The following F13B variants were observed in gnomAD, a reference collection of about 807,000 sequenced individuals.
F13B encodes TGase.
F13B carries 58 observed loss-of-function variants against 79.8 expected under a neutral mutation model. The ratio of observed to expected loss-of-function variants is 0.73; its 90% confidence interval spans 0.59 to 0.90. F13B has a LOEUF of 0.90. Ranked by LOEUF, F13B falls within the 40% of genes least tolerant of loss-of-function variation. The pLI is 0.00. For missense variants in F13B, 773 were observed against 777.0 expected (o/e 0.99, Z 0.06); for synonymous variants, 283 against 260.3 (o/e 1.09, Z -0.84).
Position 197,062,494 on chromosome 1 carries a change from C to T in F13B, c.265+363G>A, listed in dbSNP as rs545261512. ...ATAAAGCATTAGAGTAGCAATCTTG[C>T]CCTTCCAGAGGCCAGAGTTTCAAGC... is the stretch of plus-strand genomic sequence containing the variant. On this transcript the variant is annotated intron_variant, in intron 2 of 11. Transcript: ENST00000367412. Among the ~76,000 whole-genome samples the T allele has an allele frequency of 4.8e-4, 73 of 152,170 alleles. 1 individual carries two copies. In the South Asian group the frequency reaches 0.013, roughly 28 times the overall value.
At chr1:197,062,820 G>C in intron 2 of F13B, 37 bp downstream of exon 2, 1 of 1,597,704 alleles carries the variant, frequency 6.3e-7, no homozygotes, top group Non-Finnish European at 8.6e-7. Flanking sequence ...ATTTCTTTGA[G>C]TATTGAAACA....
rs1413191594 is a variant in F13B at position 197,050,703 on chromosome 1, A to C, written c.1732T>G (p.Cys578Gly). Residue 578 changes from cysteine (C) to glycine (G), a missense_variant, in exon 10 of 12, where the codon TGT (cysteine) becomes GGT (glycine). Physicochemically the swap from Cys to Gly is radical, Grantham distance 159 (BLOSUM62 -3). Coordinates refer to ENST00000367412, the MANE Select transcript of F13B (RefSeq NM_001994.3). ...LDGMWTTPPL[C>G]LEPCTLSFTE... ...CATATTTAGTAGTACATACCTAAAC[A>C]CAATGGTGGTGTAGTCCACATTCCA... 1 of 1,613,008 alleles carries C rather than the reference A, an allele frequency of 6.2e-7. No individual in the cohort carries two copies. Among genetic ancestry groups the C allele is most frequent in the Non-Finnish European group, 8.5e-7 (1 of 1,179,360 alleles).
intron 8 of F13B, 69 bp from the exon 9 acceptor site, chr1:197,052,903 C>T (rs1311782473): frequency 7.9e-7 from 1 of 1,261,002 alleles, no homozygotes; most frequent in Non-Finnish European, 1.1e-6. Flanking sequence ...TTTTTTAAAA[C>T]AAAAATTATG....
At chr1:197,061,694 A>G in intron 3 of F13B, 90 bp downstream of exon 3, 1 of 1,058,346 alleles carries the variant, frequency 9.4e-7, no homozygotes, top group Non-Finnish European at 1.4e-6. Flanking sequence ...AATAAATTCT[A>G]TTAAATAATA....
At chr1:197,066,358 T>A (rs546262552) in intron 1 of F13B, among the ~76,000 whole-genome samples, 7 of 152,216 alleles carry the variant, frequency 4.6e-5, no homozygotes, top group Non-Finnish European at 8.8e-5. Context: ...TCCTTCTTTG[T>A]ATGTTCACTC....
chr1:197,063,910 T>C (rs1022777296), intron 1 of F13B, among the ~76,000 whole-genome samples: 32 of 152,192 alleles, frequency 2.1e-4, no homozygotes, highest in African/African-American at 7.7e-4. Context: ...AGTTCAGGAA[T>C]AGGTAAAGTT....
At chr1:197,048,181 G>C (rs943735252) in intron 10 of F13B, among the ~76,000 whole-genome samples, 13 of 151,498 alleles carry the variant, frequency 8.6e-5, no homozygotes, top group African/African-American at 2.2e-4. Flanking sequence ...TATATGGAGA[G>C]AGAGAGAGAA....
rs762950628 is a variant in F13B, at chr1:197,067,140, A to C, written c.64+20T>G. 1.8e-5 allele frequency: 26 copies of C among 1,417,852 alleles called. No homozygotes were observed. The East Asian group carries it at 5.7e-4, about 31-fold the overall frequency. 87.8% of individuals were successfully genotyped at this position (1,417,852 alleles called of 1,614,324 possible). ...ATTTGTATGTTTTAGAGAATAAAGAATATTAAGAATTAATTTTACCTTCTG... is the reference window on the plus strand; with the variant it reads ...ATTTGTATGTTTTAGAGAATAAAGACTATTAAGAATTAATTTTACCTTCTG... On this transcript the variant is annotated intron_variant, in intron 1 of 11. Transcript: ENST00000367412.
rs546499327 is a variant in F13B at position 197,066,151 on chromosome 1, A to G, written c.64+1009T>C. On this transcript the variant is annotated intron_variant, in intron 1 of 11. Transcript: ENST00000367412. ...AAATAAAATCAAAAGAAATTCATGC[A>G]AAAATCATCCTATTATAGAATTAAA... 7.2e-4 allele frequency among the ~76,000 whole-genome samples: 109 copies of G among 152,288 alleles called. 1 individual carries two copies. The highest frequency in any genetic ancestry group is 3.4e-3 in the Middle Eastern group (1 of 294).
At chr1:197,043,389 T>A (rs371935170) in intron 10 of F13B, among the ~76,000 whole-genome samples, 2 of 152,178 alleles carry the variant, frequency 1.3e-5, no homozygotes, top group African/African-American at 4.8e-5. Flanking sequence ...GCTGACATCA[T>A]CCAAACATCC....
At chr1:197,049,507 C>G (rs1655362997) in intron 10 of F13B, among the ~76,000 whole-genome samples, 1 of 151,998 alleles carries the variant, frequency 6.6e-6, no homozygotes, top group Non-Finnish European at 1.5e-5. Context: ...CATCAAGAAA[C>G]CACTCCCTAC....
chr1:197,061,071 T>C lies in F13B; in HGVS notation c.456A>G (p.Thr152=), dbSNP rs5997. ...SQPTCRKEHE[T]CLAPELYNGN... is the part of the protein sequence containing the mutation. ...CATTATATAATTCAGGAGCCAAACA[T>C]GTTTCTAAAATTATAAAAATTATTT... The change falls in exon 4 of 12, where the codon ACA becomes ACG. Residue 152 remains threonine (T), a synonymous_variant. Coordinates refer to ENST00000367412, the MANE Select transcript of F13B (RefSeq NM_001994.3). 1,287,496 of 1,456,352 alleles carry C rather than the reference T, an allele frequency of 0.88. 577,146 individuals are homozygous for C. The highest frequency in any genetic ancestry group is 1 in the East Asian group (42,766 of 42,780). 90.2% of individuals were successfully genotyped at this position (1,456,352 alleles called of 1,614,324 possible).
chr1:197,052,906 A>C, intron 8 of F13B, 72 bp from the exon 9 acceptor site: 1 of 1,192,942 alleles, frequency 8.4e-7, no homozygotes, highest in Admixed American at 1.9e-5. Flanking sequence ...TTTAAAACAA[A>C]AATTATGACA....
rs1341680878 is a variant in F13B, at chr1:197,057,281, C to T, written c.985+5G>A. ...TTAGCAAAGCTTCTTCAAGGTGTTA[C>T]TAACCAATGCATTTTGGAGGTTCTG... On this transcript the variant is annotated splice_donor_5th_base_variant and intron_variant, in intron 6 of 11. Coordinates refer to ENST00000367412, the MANE Select transcript of F13B (RefSeq NM_001994.3). 1 of 1,613,950 alleles carries T rather than the reference C, an allele frequency of 6.2e-7. No individual in the cohort carries two copies. The highest frequency in any genetic ancestry group is 1.7e-5 in the Admixed American group (1 of 59,976).
intron 1 of F13B, among the ~76,000 whole-genome samples, chr1:197,065,409 A>G (rs1656011506): frequency 6.6e-6 from 1 of 152,216 alleles, no homozygotes; most frequent in Non-Finnish European, 1.5e-5. Context: ...ATGTCTGAAC[A>G]TATTAAAAAA....
intron 7 of F13B, 142 bp from the exon 8 acceptor site, chr1:197,056,039 C>T: frequency 1.2e-6 from 1 of 831,238 alleles, no homozygotes; most frequent in South Asian, 2.0e-5. Context: ...AAAATTTTTT[C>T]AGCTCAAATA....
Position 197,057,033 on chromosome 1 carries a change from G to A in F13B, c.1151C>T (p.Thr384Ile). The A allele has an allele frequency of 1.4e-5, 23 of 1,613,618 alleles. No homozygotes were observed. Among genetic ancestry groups the A allele is most frequent in the Non-Finnish European group, 1.9e-5 (23 of 1,179,842 alleles). Residue 384 changes from threonine to isoleucine, a missense_variant, in exon 7 of 12, where the codon ACA becomes ATA. By Grantham distance (89) the Thr-to-Ile change is moderately conservative (BLOSUM62 -1). Coordinates refer to ENST00000367412, the MANE Select transcript of F13B (RefSeq NM_001994.3). Reference protein sequence around the residue: ...NEITCNRGKWTLPPECVENNE... With the variant: ...NEITCNRGKWILPPECVENNE... Reference sequence around the variant, plus strand: ...CATACCAACACACTCAGGAGGAAGTGTCCATTTTCCACGATTACAAGTTAT... The same window carrying A: ...CATACCAACACACTCAGGAGGAAGTATCCATTTTCCACGATTACAAGTTAT...
At chr1:197,040,906 C>A (rs1387854550) in intron 10 of F13B, among the ~76,000 whole-genome samples, 171 bp from the exon 11 acceptor site, 1 of 151,608 alleles carries the variant, frequency 6.6e-6, no homozygotes, top group Non-Finnish European at 1.5e-5. Flanking sequence ...AAAATATGTT[C>A]AAATCTCACA....
At chr1:197,043,218 A>T (rs954597401) in intron 10 of F13B, among the ~76,000 whole-genome samples, 3 of 152,148 alleles carry the variant, frequency 2.0e-5, no homozygotes, top group African/African-American at 7.2e-5. Context: ...TACACACAAC[A>T]AACCCTCTGT....
Sources: gnomAD v4.1 joint callset for allele counts (sites outside exome capture counted in the v4.1 genomes callset) on GRCh38, gnomAD v4.1.1 for gene constraint, MANE v1.5 for transcripts, NCBI Gene and HGNC (gene_info 2026-07-23, HGNC 2026-07-21) for gene names.